RALYL: variants seen among roughly 807,000 people sequenced by gnomAD.
RALYL encodes RALY RNA binding protein like.
In RALYL, 29 loss-of-function variants were observed where a neutral mutation model predicts 35.1. That is an observed-to-expected ratio of 0.83 (90% CI 0.61 to 1.13). The LOEUF is 1.13. RALYL is among the 50% of genes most tolerant of loss of function. The pLI, the probability that RALYL is intolerant of heterozygous loss-of-function variation, is 0.00. For synonymous variants in RALYL, 120 were observed against 127.6 expected (o/e 0.94, Z 0.40); for missense variants, 359 against 360.4 (o/e 1.00, Z 0.03).
chr8:84,500,260 T>A (rs1353340105), intron 1 of RALYL, among the ~76,000 whole-genome samples: 1 of 152,144 alleles, frequency 6.6e-6, no homozygotes, highest in Non-Finnish European at 1.5e-5. Flanking sequence ...TTTTCTGGCC[T>A]TTTACTTCGT....
intron 5 of RALYL, among the ~76,000 whole-genome samples, chr8:84,859,602 TA>T (rs1159638967): frequency 4.6e-5 from 7 of 152,098 alleles, no homozygotes; most frequent in Non-Finnish European, 8.8e-5. Context: ...ATAATCCCAT[TA>T]TTTTAGGAGC....
At chr8:84,898,048 C>T (rs1177081237) in intron 8 of RALYL, among the ~76,000 whole-genome samples, 1 of 152,120 alleles carries the variant, frequency 6.6e-6, no homozygotes, top group Non-Finnish European at 1.5e-5. Context: ...TGGCATTCCG[C>T]ATGGAAAGAA....
intron 2 of RALYL, among the ~76,000 whole-genome samples, chr8:84,738,081 T>C (rs994413220): frequency 1.3e-5 from 2 of 151,970 alleles, no homozygotes; most frequent in Non-Finnish European, 2.9e-5. Flanking sequence ...AATAAAAGAT[T>C]CAGATAAGTA....
At position 84,717,305 on chromosome 8, in the gene RALYL, T is replaced by G. The variant is rs80120043; in HGVS notation, c.257-57274T>G. Among the ~76,000 whole-genome samples the G allele has an allele frequency of 3.6e-3, 550 of 152,338 alleles. 5 individuals are homozygous for G. The highest frequency in any genetic ancestry group is 0.013 in the African/African-American group (528 of 41,576). On this transcript the variant is annotated intron_variant, in intron 2 of 8. Transcript: ENST00000521268. ...TTCTTATATATTAGAAACAGTTGTTTATCAGGTTAAAGATGCTATATTTTT... is the reference window on the plus strand; with the variant it reads ...TTCTTATATATTAGAAACAGTTGTTGATCAGGTTAAAGATGCTATATTTTT...
intron 1 of RALYL, among the ~76,000 whole-genome samples, chr8:84,235,058 G>A (rs185629492): frequency 2.7e-3 from 411 of 152,008 alleles, no homozygotes; most frequent in South Asian, 3.9e-3. Context: ...CCACCGCGCC[G>A]GGCCTAATTG....
intron 2 of RALYL, among the ~76,000 whole-genome samples, chr8:84,687,105 G>A (rs1383592463): frequency 1.3e-5 from 2 of 152,096 alleles, no homozygotes; most frequent in Admixed American, 6.6e-5. Flanking sequence ...AAACTTGATG[G>A]TTTAAATTAA....
chr8:84,816,840 C>T (rs895328876), intron 4 of RALYL, among the ~76,000 whole-genome samples: 1 of 152,104 alleles, frequency 6.6e-6, no homozygotes, highest in Admixed American at 6.5e-5. Flanking sequence ...GTGATTATTA[C>T]ACATTGCGTA....
rs574048868 is a variant in RALYL, at chr8:84,199,920, T to C, written c.-24+15496T>C. Among the ~76,000 whole-genome samples the C allele has an allele frequency of 2.1e-4, 32 of 152,310 alleles. No homozygotes were observed. In the South Asian group the frequency reaches 6.2e-3, roughly 30 times the overall value. ...GTAAATGTCATGGAAAGAACTTATC[T>C]CTGCCAATTGCATTGGAAGGTAATA... On this transcript the variant is annotated intron_variant, in intron 1 of 8. Transcript: ENST00000521268.
At chr8:84,376,061 C>T (rs766183787) in intron 1 of RALYL, among the ~76,000 whole-genome samples, 2 of 151,824 alleles carry the variant, frequency 1.3e-5, no homozygotes, top group Non-Finnish European at 2.9e-5. Context: ...ATGTACCATA[C>T]ATAATGTGTT....
chr8:84,641,931 G>T (rs1826433684), intron 2 of RALYL, among the ~76,000 whole-genome samples: 1 of 151,688 alleles, frequency 6.6e-6, no homozygotes, highest in South Asian at 2.1e-4. Flanking sequence ...ACAAATGTAT[G>T]CCCATGCTTC....
intron 1 of RALYL, among the ~76,000 whole-genome samples, chr8:84,344,061 T>A (rs899821847): frequency 6.6e-6 from 1 of 152,098 alleles, no homozygotes; most frequent in African/African-American, 2.4e-5. Flanking sequence ...TTTATAATTA[T>A]CATTTTTAGT....
At chr8:84,468,896 A>G (rs1405027556) in intron 1 of RALYL, among the ~76,000 whole-genome samples, 4 of 151,268 alleles carry the variant, frequency 2.6e-5, no homozygotes, top group Admixed American at 2.0e-4. Flanking sequence ...CATTCATTTC[A>G]TCTTCCATTG....
chr8:84,447,679 A>G (rs1483923904), intron 1 of RALYL, among the ~76,000 whole-genome samples: 1 of 152,064 alleles, frequency 6.6e-6, no homozygotes, highest in East Asian at 1.9e-4. Flanking sequence ...GCTTCAAGAA[A>G]TTTGTGATTG....
intron 1 of RALYL, among the ~76,000 whole-genome samples, chr8:84,226,598 C>G (rs994342743): frequency 8.8e-6 from 1 of 113,288 alleles, no homozygotes; most frequent in African/African-American, 3.9e-5. Flanking sequence ...TAAATGGTGG[C>G]TGGGAAGCAA....
At chr8:84,467,242 C>T (rs2133564261) in intron 1 of RALYL, among the ~76,000 whole-genome samples, 1 of 152,050 alleles carries the variant, frequency 6.6e-6, no homozygotes, top group South Asian at 2.1e-4. Flanking sequence ...GTTAGGGTGT[C>T]AGTTTTGGAT....
At chr8:84,902,970 A>G (rs964864187) in intron 8 of RALYL, among the ~76,000 whole-genome samples, 10 of 152,156 alleles carry the variant, frequency 6.6e-5, no homozygotes, top group Non-Finnish European at 1.0e-4. Flanking sequence ...CTGTAATCCA[A>G]TACTTTGGGA....
chr8:84,839,244 C>A (rs1832677847), intron 4 of RALYL, among the ~76,000 whole-genome samples: 1 of 152,218 alleles, frequency 6.6e-6, no homozygotes, highest in East Asian at 1.9e-4. Flanking sequence ...ACAGACGGCA[C>A]CTGGAAAATC....
chr8:84,758,136 TA>T (rs1281607700), intron 2 of RALYL, among the ~76,000 whole-genome samples: 1 of 152,172 alleles, frequency 6.6e-6, no homozygotes, highest in African/African-American at 2.4e-5. Context: ...GTAATCCAAA[TA>T]AAAGCTGACT....
At chr8:84,235,544 A>G (rs1034665423) in intron 1 of RALYL, among the ~76,000 whole-genome samples, 4 of 152,208 alleles carry the variant, frequency 2.6e-5, no homozygotes, top group Non-Finnish European at 5.9e-5. Flanking sequence ...ATGTCCTGCA[A>G]GATTTTGATG....
Sources: gnomAD v4.1 joint callset for allele counts (sites outside exome capture counted in the v4.1 genomes callset) on GRCh38, gnomAD v4.1.1 for gene constraint, MANE v1.5 for transcripts, NCBI Gene and HGNC (gene_info 2026-07-23, HGNC 2026-07-21) for gene names.